MDGA2: variants seen among roughly 807,000 people sequenced by gnomAD.
MDGA2 encodes MAM domain containing glycosylphosphatidylinositol anchor 2.
MDGA2 carries 40 observed loss-of-function variants against 117.8 expected under a neutral mutation model. The ratio of observed to expected loss-of-function variants is 0.34; its 90% confidence interval spans 0.26 to 0.44. The LOEUF (loss-of-function observed/expected upper bound fraction) is 0.44. Among genes scored for constraint, MDGA2 ranks in the 20% least tolerant of loss-of-function variants. The probability of loss-of-function intolerance (pLI) is 1.00; values close to 1 mark genes in which losing one functional copy is unlikely to be tolerated. For missense variants in MDGA2, 1,123 were observed against 1,250.6 expected, an observed-to-expected ratio of 0.90 and a Z score of 1.54; for synonymous variants, 452 against 439.0, an observed-to-expected ratio of 1.03 and a Z score of -0.37.
chr14:47,064,040 TTA>T (rs1307961538), intron 6 of MDGA2, among the ~76,000 whole-genome samples: 2 of 151,976 alleles, frequency 1.3e-5, no homozygotes, highest in Non-Finnish European at 2.9e-5. Flanking sequence ...AGTATCTGTA[TTA>T]TGTTATAGAA....
At chr14:47,252,956 C>G (rs1887496606) in intron 2 of MDGA2, among the ~76,000 whole-genome samples, 1 of 152,112 alleles carries the variant, frequency 6.6e-6, no homozygotes, top group African/African-American at 2.4e-5. Context: ...ATCCTTCTCA[C>G]ATGGTGGTAC....
rs200625450 is a variant in MDGA2, at chr14:47,561,158, G to GTTTTTTGT, written c.280+113358_280+113359insACAAAAAA. ...CTATCTTTGTTTTTTTTTTTGTTTT[G>GTTTTTTGT]TTTTGTTTTTTTGTTTGTTTGTTTT... On this transcript the variant is annotated intron_variant, in intron 1 of 16. Transcript: ENST00000399232. 5.4e-5 allele frequency among the ~76,000 whole-genome samples: 3 copies of GTTTTTTGT among 55,076 alleles called. 1 individual carries two copies. Among genetic ancestry groups the GTTTTTTGT allele is most frequent in the Non-Finnish European group, 8.7e-5 (2 of 23,064 alleles). 36.1% of individuals were successfully genotyped at this position (55,076 alleles called of 152,430 possible).
intron 1 of MDGA2, among the ~76,000 whole-genome samples, chr14:47,366,285 T>C (rs1891229865): frequency 6.6e-6 from 1 of 152,162 alleles, no homozygotes; most frequent in African/African-American, 2.4e-5. Flanking sequence ...AATAGTGTCT[T>C]TTCTGCAGAA....
intron 3 of MDGA2, among the ~76,000 whole-genome samples, chr14:47,174,275 A>C (rs1884328451): frequency 6.6e-6 from 1 of 152,156 alleles, no homozygotes; most frequent in Admixed American, 6.5e-5. Context: ...CAGGAATTGA[A>C]CTCAGCTCTG....
chr14:47,059,196 T>G (rs577640150), intron 7 of MDGA2: 13 of 848,748 alleles, frequency 1.5e-5, no homozygotes, highest in South Asian at 1.2e-4. Flanking sequence ...GTTTAGTACC[T>G]TCTATGTGCC....
chr14:47,602,036 G>A (rs1041584063), intron 1 of MDGA2, among the ~76,000 whole-genome samples: 2 of 152,288 alleles, frequency 1.3e-5, no homozygotes, highest in Admixed American at 6.5e-5. Context: ...CATTTATGAT[G>A]CAGAATAAAT....
chr14:47,222,374 T>C (rs549949823), intron 2 of MDGA2, among the ~76,000 whole-genome samples: 2 of 152,122 alleles, frequency 1.3e-5, no homozygotes, highest in South Asian at 4.1e-4. Flanking sequence ...TTTTGTAATA[T>C]TAAAAGTCAA....
At position 47,100,839 on chromosome 14, in the gene MDGA2, A is replaced by T. The variant is rs189842179; in HGVS notation, c.926-3716T>A. Among the ~76,000 whole-genome samples the T allele has an allele frequency of 4.5e-3, 683 of 152,272 alleles. 6 individuals carry two copies. Among genetic ancestry groups the T allele is most frequent in the Non-Finnish European group, 4.9e-3 (332 of 68,004 alleles). On this transcript the variant is annotated intron_variant, in intron 5 of 16. Coordinates refer to ENST00000399232, the MANE Select transcript of MDGA2 (RefSeq NM_001113498.3). The stretch of plus-strand genomic sequence containing the variant: ...GTCAAATTGTGGCTCCAATTACATT[A>T]AAATAATTCCAACTACACCACCAGC...
At chr14:47,651,455 C>A (rs1244816672) in intron 1 of MDGA2, among the ~76,000 whole-genome samples, 1 of 152,030 alleles carries the variant, frequency 6.6e-6, no homozygotes, top group Non-Finnish European at 1.5e-5. Context: ...CAAGATGAGG[C>A]AGCAGAGTGG....
At chr14:46,941,691 A>G (rs552130451) in intron 9 of MDGA2, among the ~76,000 whole-genome samples, 22 of 152,334 alleles carry the variant, frequency 1.4e-4, no homozygotes, top group African/African-American at 4.8e-4. Flanking sequence ...CCTTAAGAAT[A>G]GCAGTACTAA....
At chr14:47,239,515 T>C (rs1166549358) in intron 2 of MDGA2, among the ~76,000 whole-genome samples, 1 of 151,852 alleles carries the variant, frequency 6.6e-6, no homozygotes, top group Non-Finnish European at 1.5e-5. Flanking sequence ...CATAAAAAGC[T>C]TCTTTCATAG....
intron 1 of MDGA2, among the ~76,000 whole-genome samples, chr14:47,337,265 T>C (rs1283442121): frequency 3.3e-5 from 5 of 152,064 alleles, no homozygotes; most frequent in Admixed American, 3.3e-4. Flanking sequence ...AAATTCTATA[T>C]GTTCAAAATT....
At chr14:47,301,223 G>A (rs566753808) in intron 2 of MDGA2, among the ~76,000 whole-genome samples, 188 bp downstream of exon 2, 7 of 151,666 alleles carry the variant, frequency 4.6e-5, no homozygotes, top group East Asian at 3.9e-4. Context: ...TGAATGTTCC[G>A]AAATCCACAC....
chr14:47,496,832 T>C (rs555783651), intron 1 of MDGA2, among the ~76,000 whole-genome samples: 1 of 152,062 alleles, frequency 6.6e-6, no homozygotes, highest in South Asian at 2.1e-4. Flanking sequence ...TCCCCAACCT[T>C]TCTGGCAACA....
chr14:47,143,337 AT>A (rs903679663), intron 4 of MDGA2, among the ~76,000 whole-genome samples: 11 of 151,838 alleles, frequency 7.2e-5, no homozygotes, highest in African/African-American at 2.7e-4. Flanking sequence ...ATTTGTCCAA[AT>A]TTTTTTTTAT....
chr14:46,950,447 C>T (rs933917076), intron 9 of MDGA2, among the ~76,000 whole-genome samples: 3 of 151,930 alleles, frequency 2.0e-5, no homozygotes, highest in Non-Finnish European at 2.9e-5. Flanking sequence ...GGAATCACTT[C>T]GTATATTACA....
chr14:47,053,625 A>G (rs868472076), intron 7 of MDGA2, among the ~76,000 whole-genome samples: 4,274 of 90,720 alleles, frequency 0.047, 205 homozygotes, highest in Non-Finnish European at 0.072. Context: ...ATATATATAT[A>G]TATATATATA....
chr14:47,292,945 C>T (rs970285469), intron 2 of MDGA2, among the ~76,000 whole-genome samples: 1 of 152,182 alleles, frequency 6.6e-6, no homozygotes, highest in African/African-American at 2.4e-5. Flanking sequence ...TTGCTCTTCA[C>T]ACTATTGATA....
intron 1 of MDGA2, among the ~76,000 whole-genome samples, chr14:47,535,912 C>T (rs1895201022): frequency 6.6e-6 from 1 of 152,234 alleles, no homozygotes; most frequent in Non-Finnish European, 1.5e-5. Flanking sequence ...ATTGGCTGGT[C>T]TAGGCTGCTG....
Sources: gnomAD v4.1 joint callset for allele counts (sites outside exome capture counted in the v4.1 genomes callset) on GRCh38, gnomAD v4.1.1 for gene constraint, MANE v1.5 for transcripts, NCBI Gene and HGNC (gene_info 2026-07-23, HGNC 2026-07-21) for gene names.